The following LAMA4 variants were observed in gnomAD, a reference collection of about 807,000 sequenced individuals.
LAMA4 encodes laminin subunit alpha 4, also known as laminin subunit alpha-4.
LAMA4 carries 127 observed loss-of-function variants against 207.1 expected under a neutral mutation model. The ratio of observed to expected loss-of-function variants is 0.61; its 90% confidence interval spans 0.53 to 0.71. LAMA4 has a LOEUF of 0.71. Ranked by LOEUF, LAMA4 falls within the 30% of genes least tolerant of loss-of-function variation. LAMA4 has a pLI of 0.00. For missense variants in LAMA4, 2,093 were observed against 2,246.5 expected, an observed-to-expected ratio of 0.93 and a Z score of 1.38; for synonymous variants, 761 against 816.0, an observed-to-expected ratio of 0.93 and a Z score of 1.15.
At chr6:112,109,947 G>GA (rs1777602714) in intron 38 of LAMA4, among the ~76,000 whole-genome samples, 1 of 152,196 alleles carries the variant, frequency 6.6e-6, no homozygotes, top group South Asian at 2.1e-4. Context: ...ACTTTGCTAA[G>GA]AAGGAGGAAA....
At chr6:112,193,323 G>A (rs970649732) in intron 5 of LAMA4, among the ~76,000 whole-genome samples, 1 of 152,046 alleles carries the variant, frequency 6.6e-6, no homozygotes, top group African/African-American at 2.4e-5. Flanking sequence ...GCCTGGGCTG[G>A]GGTGTTGGCC....
intron 2 of LAMA4, among the ~76,000 whole-genome samples, chr6:112,237,781 C>G (rs923484412): frequency 1.1e-4 from 16 of 152,228 alleles, no homozygotes; most frequent in Admixed American, 9.2e-4. Flanking sequence ...AGCATCTGTT[C>G]TCTCCTTTCC....
rs1331473535 is a variant in LAMA4 at position 112,240,233 on chromosome 6, A to G, written c.195+13723T>C. 2.6e-5 allele frequency among the ~76,000 whole-genome samples: 4 copies of G among 151,898 alleles called. No homozygotes were observed. The East Asian group carries it at 5.8e-4, about 22-fold the overall frequency. On this transcript the variant is annotated intron_variant, in intron 2 of 38. Coordinates refer to ENST00000230538, the MANE Select transcript of LAMA4 (RefSeq NM_001105206.3). ...TCTCCTGAGGTCATTTTTTTGTTTA[A>G]TTGTTTTATTTTTAATCTTTGTATT...
rs781832612 is a variant in LAMA4 at position 112,185,280 on chromosome 6, G to A, written c.1034C>T (p.Thr345Met). The change falls in exon 9 of 39, where the codon ACG becomes ATG. Residue 345 changes from threonine to methionine, a missense_variant. This residue lies in a region of LAMA4 where 1,704 missense variants were observed against 1,788.4 expected (regional missense o/e 0.95). Transcript: ENST00000230538. ...TACGTCAGACAGAAGGCTTTTCATC[G>A]TGTTCTCAGCATTGTTGATTTGTAT... ...RKIQINNAEN[T>M]MKSLLSDVEE... 3.7e-6 allele frequency: 6 copies of A among 1,613,122 alleles called. No individual in the cohort carries two copies. The African/African-American group carries it at 4.0e-5, about 11-fold the overall frequency.
At chr6:112,176,431 T>C (rs1409434580) in intron 10 of LAMA4, among the ~76,000 whole-genome samples, 2 of 152,158 alleles carry the variant, frequency 1.3e-5, no homozygotes, top group Admixed American at 6.5e-5. Flanking sequence ...TAAACAAACA[T>C]TGGTGTCACA....
intron 2 of LAMA4, among the ~76,000 whole-genome samples, chr6:112,220,671 T>G (rs1784874523): frequency 6.6e-6 from 1 of 152,170 alleles, no homozygotes; most frequent in Non-Finnish European, 1.5e-5. Flanking sequence ...ATCTGATTAT[T>G]TTTGTCTTCA....
intron 12 of LAMA4, chr6:112,171,916 C>T (rs893240307): frequency 3.9e-5 from 6 of 152,334 alleles, no homozygotes; most frequent in African/African-American, 1.4e-4. Context: ...TAATTGGTTT[C>T]TATTTGTTCA....
chr6:112,218,811 ATTTG>A, intron 2 of LAMA4: 1 of 152,246 alleles, frequency 6.6e-6, no homozygotes, highest in African/African-American at 2.4e-5. Context: ...GTGTTGAGTC[ATTTG>A]GCCCCCCGCC....
chr6:112,229,917 T>C (rs1785447649), intron 2 of LAMA4, among the ~76,000 whole-genome samples: 1 of 152,206 alleles, frequency 6.6e-6, no homozygotes, highest in Non-Finnish European at 1.5e-5. Flanking sequence ...CTCAATACAA[T>C]TGTAGTGAAT....
intron 5 of LAMA4, 125 bp from the exon 6 acceptor site, chr6:112,191,975 ACT>A: frequency 1.2e-6 from 1 of 830,672 alleles, no homozygotes; most frequent in East Asian, 2.6e-5. Flanking sequence ...ATTCATTTGC[ACT>A]CTCTCATCTT....
chr6:112,139,350 G>A (rs1222636856), intron 23 of LAMA4, 59 bp from the exon 24 acceptor site: 3 of 1,578,396 alleles, frequency 1.9e-6, no homozygotes, highest in Non-Finnish European at 2.6e-6. Flanking sequence ...CTTTTCAAGT[G>A]AAGCCCTTTT....
intron 6 of LAMA4, among the ~76,000 whole-genome samples, chr6:112,190,869 CTTTTTCTT>C (rs1782977637): frequency 6.8e-6 from 1 of 147,450 alleles, no homozygotes; most frequent in African/African-American, 2.6e-5. Flanking sequence ...TGCAAGGTTT[CTTTTTCTT>C]TCTTTCTTTC....
intron 7 of LAMA4, among the ~76,000 whole-genome samples, chr6:112,188,525 G>C (rs1782830084): frequency 6.6e-6 from 1 of 152,158 alleles, no homozygotes; most frequent in Non-Finnish European, 1.5e-5. Flanking sequence ...ATCTGTTTGG[G>C]GGAGGGGATG....
chr6:112,239,925 A>G (rs1165035471), intron 2 of LAMA4, among the ~76,000 whole-genome samples: 1 of 151,974 alleles, frequency 6.6e-6, no homozygotes, highest in Non-Finnish European at 1.5e-5. Flanking sequence ...TTAGGCAGGC[A>G]TGGTGGCGGG....
chr6:112,187,613 A>G lies in LAMA4; in HGVS notation c.815-12T>C, dbSNP rs566165452. On this transcript the variant is annotated splice_polypyrimidine_tract_variant and intron_variant, in intron 7 of 38. Coordinates refer to ENST00000230538, the MANE Select transcript of LAMA4 (RefSeq NM_001105206.3). ...GCACTTATCACAGCCTGGAGGTGAA[A>G]CATTTCTTCAGAATCACAAGTCAAA... 7.4e-6 allele frequency: 12 copies of G among 1,613,102 alleles called. No homozygotes were observed. The South Asian group carries it at 1.3e-4, about 18-fold the overall frequency.
At chr6:112,163,970 A>C (rs1554339163) in intron 13 of LAMA4, 1 of 152,308 alleles carries the variant, frequency 6.6e-6, no homozygotes, top group African/African-American at 2.4e-5. Context: ...GTGGGCACAG[A>C]TGCAGGCGGG....
At chr6:112,187,333 AACAACC>A in intron 8 of LAMA4, 111 bp downstream of exon 8, 1 of 1,169,468 alleles carries the variant, frequency 8.6e-7, no homozygotes, top group Non-Finnish European at 1.3e-6. Flanking sequence ...CTACAGGTCT[AACAACC>A]TGTAATACAG....
chr6:112,225,114 TC>T (rs1458320593), intron 2 of LAMA4, among the ~76,000 whole-genome samples: 27 of 152,150 alleles, frequency 1.8e-4, no homozygotes, highest in Non-Finnish European at 2.9e-4. Flanking sequence ...TGTTAATCCC[TC>T]CCCCAATTTT....
In LAMA4 at chr6:112,142,217, C is replaced by T. The variant is rs144123257; in HGVS notation, c.2569G>A (p.Ala857Thr). The T allele has an allele frequency of 5.9e-5, 95 of 1,614,100 alleles. No homozygotes were observed. The highest frequency in any genetic ancestry group is 3.3e-4 in the Middle Eastern group (2 of 6,062). The change falls in exon 20 of 39, where the codon GCC becomes ACC. Residue 857 changes from alanine to threonine, a missense_variant. This residue lies in a region of LAMA4 where 1,704 missense variants were observed against 1,788.4 expected (regional missense o/e 0.95). Coordinates refer to ENST00000230538, the MANE Select transcript of LAMA4 (RefSeq NM_001105206.3). ...ATGTACAGGCTCAGAGACGTGAAGGCCTTTAAGTCATCCATACTGGTTCTC... is the reference window on the plus strand; with the variant it reads ...ATGTACAGGCTCAGAGACGTGAAGGTCTTTAAGTCATCCATACTGGTTCTC... ...HSRTSMDDLKAFTSLSLYMKP... is the reference protein window; with the variant it reads ...HSRTSMDDLKTFTSLSLYMKP...
Sources: allele counts gnomAD v4.1 joint callset (sites outside exome capture counted in the v4.1 genomes callset), GRCh38; gene constraint gnomAD v4.1.1; regional missense constraint gnomAD v4.1.1; transcripts MANE v1.5; gene names NCBI Gene and HGNC (gene_info 2026-07-23, HGNC 2026-07-21).